SHROOM3: variants seen among roughly 807,000 people sequenced by gnomAD.
SHROOM3 encodes the protein protein Shroom3.
Under a neutral mutation model 138.6 loss-of-function variants are expected in SHROOM3, and 47 were observed. The observed-to-expected ratio is 0.34, with a 90% CI of 0.27 to 0.43. SHROOM3 has a LOEUF of 0.43. SHROOM3 is among the 20% of genes least tolerant of loss of function. SHROOM3 has a pLI of 1.00. For synonymous variants in SHROOM3, 1,062 were observed against 1,063.3 expected (o/e 1.00, Z 0.02); for missense variants, 2,491 against 2,596.5 (o/e 0.96, Z 0.88).
chr4:76,505,597 A>G (rs542126761), intron 1 of SHROOM3, among the ~76,000 whole-genome samples: 1 of 151,968 alleles, frequency 6.6e-6, no homozygotes, highest in African/African-American at 2.4e-5. Context: ...AAATAATACA[A>G]ATTTTAAAAT....
chr4:76,502,959 G>T (rs1055781202), intron 1 of SHROOM3, among the ~76,000 whole-genome samples: 10 of 152,036 alleles, frequency 6.6e-5, no homozygotes, highest in Admixed American at 1.3e-4. Flanking sequence ...TATACATATG[G>T]TTGTTTTCTT....
At chr4:76,683,598 T>G (rs1719259442) in intron 2 of SHROOM3, among the ~76,000 whole-genome samples, 5 of 152,078 alleles carry the variant, frequency 3.3e-5, no homozygotes, top group Admixed American at 3.3e-4. Context: ...GGACCCAGGC[T>G]CTTGGAAAAT....
chr4:76,530,529 A>G (rs1208390267), intron 1 of SHROOM3, among the ~76,000 whole-genome samples: 1 of 150,402 alleles, frequency 6.6e-6, no homozygotes, highest in Admixed American at 6.6e-5. Context: ...TAGAATTAAA[A>G]CTCTTATGTG....
intron 10 of SHROOM3, among the ~76,000 whole-genome samples, chr4:76,773,481 T>A (rs1294422023): frequency 6.6e-6 from 1 of 151,336 alleles, no homozygotes; most frequent in Non-Finnish European, 1.5e-5. Flanking sequence ...TGGGAAGGAT[T>A]AAGGGGGAAA....
intron 2 of SHROOM3, among the ~76,000 whole-genome samples, chr4:76,669,665 T>G (rs1718818960): frequency 6.6e-6 from 1 of 152,186 alleles, no homozygotes; most frequent in African/African-American, 2.4e-5. Flanking sequence ...AATAAACTTT[T>G]TGCTTAAAAT....
intron 7 of SHROOM3, 36 bp from the exon 8 acceptor site, chr4:76,756,413 C>CTTTTTTTTTTTTT (rs1721814391): frequency 6.6e-7 from 1 of 1,507,262 alleles, no homozygotes. Flanking sequence ...CTTTCTCTCT[C>CTTTTTTTTTTTTT]TCTCTTTTTT....
intron 1 of SHROOM3, among the ~76,000 whole-genome samples, chr4:76,548,881 G>C (rs1025473141): frequency 6.6e-6 from 1 of 152,194 alleles, no homozygotes; most frequent in South Asian, 2.1e-4. Context: ...TTCCCACCCA[G>C]TTGCACACGG....
chr4:76,568,125 G>A (rs529595794), intron 2 of SHROOM3, among the ~76,000 whole-genome samples: 63 of 152,116 alleles, frequency 4.1e-4, no homozygotes, highest in Admixed American at 2.2e-3. Context: ...GTTCGGTGTG[G>A]TATCCGCAGT....
intron 2 of SHROOM3, among the ~76,000 whole-genome samples, chr4:76,638,630 G>C (rs1460484403): frequency 6.6e-6 from 1 of 152,164 alleles, no homozygotes; most frequent in African/African-American, 2.4e-5. Flanking sequence ...TACAAAGCTA[G>C]CAGACCAAAT....
rs1020488496 is a variant in SHROOM3, at chr4:76,754,657, C to A, written c.4174C>A (p.His1392Asn). 1 of 1,614,064 alleles carries A rather than the reference C, an allele frequency of 6.2e-7. No homozygotes were observed. The highest frequency in any genetic ancestry group is 8.5e-7 in the Non-Finnish European group (1 of 1,180,030). ...TGCCATGATGCACAGAAGCAATGGT[C>A]ACACCCTGACCCAGCCTCCCGGTCC... is the stretch of plus-strand genomic sequence containing the variant. The part of the protein sequence containing the change: ...TPAMMHRSNG[H>N]TLTQPPGPRG... Residue 1392 changes from histidine (H) to asparagine (N), a missense_variant, in exon 7 of 11, where the codon CAC becomes AAC. His to Asn is a moderately conservative substitution (Grantham distance 68). Around this residue, in one of 4 missense-constraint regions of SHROOM3, gnomAD observed 1,733 missense variants for 1,661.6 expected, o/e 1.04. Transcript: ENST00000296043.
At chr4:76,462,542 T>C (rs1206533205) in intron 1 of SHROOM3, among the ~76,000 whole-genome samples, 1 of 152,152 alleles carries the variant, frequency 6.6e-6, no homozygotes, top group African/African-American at 2.4e-5. Flanking sequence ...ATCCCCAATA[T>C]TGGGGGAGGG....
chr4:76,459,943 C>T (rs991350081), intron 1 of SHROOM3, among the ~76,000 whole-genome samples: 1 of 152,102 alleles, frequency 6.6e-6, no homozygotes, highest in Non-Finnish European at 1.5e-5. Context: ...TAATGTGCTG[C>T]TGCTTCTTAT....
chr4:76,441,865 G>T (rs992155036), intron 1 of SHROOM3, among the ~76,000 whole-genome samples: 1 of 152,204 alleles, frequency 6.6e-6, no homozygotes, highest in Non-Finnish European at 1.5e-5. Flanking sequence ...TGGGATTACA[G>T]GCATGCGCCA....
At chr4:76,631,384 T>A (rs902537379) in intron 2 of SHROOM3, among the ~76,000 whole-genome samples, 1 of 150,184 alleles carries the variant, frequency 6.7e-6, no homozygotes, top group African/African-American at 2.4e-5. Context: ...ATTTTTTGTA[T>A]TTTTTTTTAG....
intron 2 of SHROOM3, among the ~76,000 whole-genome samples, chr4:76,692,955 C>T (rs1719600849): frequency 6.6e-6 from 1 of 152,220 alleles, no homozygotes; most frequent in Non-Finnish European, 1.5e-5. Context: ...TCGAACTGAA[C>T]ACCTAAGACC....
intron 3 of SHROOM3, among the ~76,000 whole-genome samples, chr4:76,726,592 A>AATG (rs1164507417): frequency 6.6e-6 from 1 of 150,848 alleles, no homozygotes; most frequent in African/African-American, 2.4e-5. Context: ...TGGAAGCTGC[A>AATG]ATGCAGTGGC....
At chr4:76,653,468 C>T (rs1236955919) in intron 2 of SHROOM3, among the ~76,000 whole-genome samples, 1 of 151,720 alleles carries the variant, frequency 6.6e-6, no homozygotes, top group Non-Finnish European at 1.5e-5. Flanking sequence ...TGAGAACCAG[C>T]ATTCTAGATA....
At chr4:76,689,803 C>G (rs1719463602) in intron 2 of SHROOM3, 1 of 964,368 alleles carries the variant, frequency 1.0e-6, no homozygotes, top group African/African-American at 1.8e-5. Flanking sequence ...TCTGGAAAGC[C>G]CTGTCTGGAG....
rs201527020 is a variant in SHROOM3 at position 76,741,041 on chromosome 4, C to T, written c.2868C>T (p.Ser956=). 3,095 of 1,491,784 alleles carry T rather than the reference C, an allele frequency of 2.1e-3. 6 individuals carry two copies. Among genetic ancestry groups the T allele is most frequent in the Non-Finnish European group, 2.5e-3 (2,781 of 1,125,422 alleles). 92.4% of individuals were successfully genotyped at this position (1,491,784 alleles called of 1,614,324 possible). Residue 956 remains serine, a synonymous_variant, in exon 5 of 11, where the codon TCC becomes TCT. Coordinates refer to ENST00000296043, the MANE Select transcript of SHROOM3 (RefSeq NM_020859.4). The surrounding 1 kb of genome is among the most constrained non-coding windows in gnomAD (Gnocchi z 6.2). The part of the protein sequence containing the change: ...LELGAPVASR[S]WRPRPSSAHV... Reference sequence around the variant, plus strand: ...TGGGGGCGCCCGTGGCGTCGAGGTCCTGGCGGCCACGGCCTTCCTCGGCCC... The same window carrying T: ...TGGGGGCGCCCGTGGCGTCGAGGTCTTGGCGGCCACGGCCTTCCTCGGCCC...
Sources: gnomAD v4.1 joint callset for allele counts (sites outside exome capture counted in the v4.1 genomes callset) on GRCh38, gnomAD v4.1.1 for gene constraint, gnomAD v4.1.1 regional missense constraint, Gnocchi (gnomAD v3.1) non-coding constraint, MANE v1.5 for transcripts, NCBI Gene and HGNC (gene_info 2026-07-23, HGNC 2026-07-21) for gene names.